SMARCA4: variants seen among roughly 807,000 people sequenced by gnomAD.
SMARCA4 encodes the protein SWI/SNF related BAF chromatin remodeling complex subunit ATPase 4, also known as SWI/SNF-related matrix-associated actin-dependent regulator of chromatin subfamily A member 4.
Under a neutral mutation model 193.9 loss-of-function variants are expected in SMARCA4, and 31 were observed. The observed-to-expected ratio is 0.16, with a 90% CI of 0.12 to 0.22. The LOEUF (loss-of-function observed/expected upper bound fraction) is 0.22, where lower values mean the gene tolerates loss of function less well. Ranked by LOEUF, SMARCA4 falls within the 10% of genes least tolerant of loss-of-function variation. The pLI is 1.00. For synonymous variants in SMARCA4, 942 were observed against 933.1 expected, an observed-to-expected ratio of 1.01 and a Z score of -0.17; for missense variants, 1,148 against 2,296.0, an observed-to-expected ratio of 0.50 and a Z score of 10.22.
intron 11 of SMARCA4, among the ~76,000 whole-genome samples, chr19:11,002,049 A>T (rs2087688949): frequency 6.6e-6 from 1 of 152,188 alleles, no homozygotes. Flanking sequence ...CCGTTAGTGT[A>T]AAAAAGAGGG....
intron 19 of SMARCA4, 99 bp downstream of exon 19, chr19:11,022,066 G>C: frequency 6.4e-7 from 1 of 1,563,864 alleles, no homozygotes; most frequent in South Asian, 1.1e-5. Flanking sequence ...CTGGGCCTGT[G>C]CTGGGTGCCT....
intron 20 of SMARCA4, 105 bp from the exon 21 acceptor site, chr19:11,024,226 C>T (rs1167817823): frequency 1.3e-5 from 10 of 787,930 alleles, no homozygotes; most frequent in Non-Finnish European, 2.3e-6. Flanking sequence ...GTGCTCTGGT[C>T]AGAGCTCATA....
At chr19:11,024,085 C>A (rs948346536) in intron 20 of SMARCA4, among the ~76,000 whole-genome samples, 12 of 152,166 alleles carry the variant, frequency 7.9e-5, no homozygotes, top group South Asian at 2.1e-4. Context: ...TGTAGAGAGG[C>A]CCCCAGAAGA....
rs2076699718 is a variant in SMARCA4 at position 11,058,920 on chromosome 19, C to T, written c.4635+31C>T. On this transcript the variant is annotated intron_variant, in intron 32 of 34. Transcript: ENST00000344626. The surrounding 1 kb of genome is among the most constrained non-coding windows in gnomAD (Gnocchi z 5.8). ...GGCACCGCTGGGGGTTGGGGATGGG[C>T]CACTCCCACAGCTGGGCTTTGACCC... 6.5e-7 allele frequency: 1 copy of T among 1,548,292 alleles called. No individual in the cohort carries two copies. Among genetic ancestry groups the T allele is most frequent in the Non-Finnish European group, 8.9e-7 (1 of 1,121,014 alleles).
chr19:11,052,266 AAAG>A (rs2076303376), intron 30 of SMARCA4, among the ~76,000 whole-genome samples: 1 of 152,252 alleles, frequency 6.6e-6, no homozygotes, highest in African/African-American at 2.4e-5. Flanking sequence ...TAGCTAGATC[AAAG>A]AATAGAAAGG....
chr19:11,010,625 T>C (rs1248449412), intron 15 of SMARCA4, 94 bp downstream of exon 15: 1 of 1,241,792 alleles, frequency 8.1e-7, no homozygotes, highest in Non-Finnish European at 1.2e-6. Flanking sequence ...CAGACCTGAG[T>C]TCACCTTTTG....
intron 34 of SMARCA4, among the ~76,000 whole-genome samples, chr19:11,061,195 A>AT (rs2076845381): frequency 1.4e-5 from 1 of 69,294 alleles, no homozygotes; most frequent in African/African-American, 6.9e-5. Context: ...CTTTAAAAAA[A>AT]AAAAAAAAAA....
intron 18 of SMARCA4, chr19:11,021,247 T>C: frequency 6.2e-6 from 2 of 323,544 alleles, no homozygotes; most frequent in South Asian, 2.6e-5. Context: ...CGCATGGCCC[T>C]GTATGTAGTG....
chr19:11,022,345 A>G (rs919562110), intron 19 of SMARCA4, among the ~76,000 whole-genome samples: 3 of 152,220 alleles, frequency 2.0e-5, no homozygotes, highest in Non-Finnish European at 4.4e-5. Context: ...CCCTCAGGGC[A>G]GTGGGAAGGA....
In SMARCA4 at chr19:10,986,180, T is replaced by C. The variant is rs1555752848; in HGVS notation, c.356-9T>C. 3 of 1,611,052 alleles carry C rather than the reference T, an allele frequency of 1.9e-6. No homozygotes were observed. The highest frequency in any genetic ancestry group is 2.5e-6 in the Non-Finnish European group (3 of 1,177,522). On this transcript the variant is annotated splice_polypyrimidine_tract_variant and intron_variant, in intron 3 of 34. Coordinates refer to ENST00000344626, the MANE Select transcript of SMARCA4 (RefSeq NM_003072.5). The surrounding 1 kb of genome is among the most constrained non-coding windows in gnomAD (Gnocchi z 6.7). The stretch of plus-strand genomic sequence containing the variant: ...GCCGAGTGACCAGTGGGCTGACCTT[T>C]CTCTGCAGGTTACCCCTCGCCCCTG...
intron 13 of SMARCA4, 68 bp downstream of exon 13, chr19:11,003,465 T>C: frequency 7.1e-7 from 1 of 1,405,916 alleles, no homozygotes; most frequent in Non-Finnish European, 1.0e-6. Context: ...CCCTGTGTGT[T>C]GTGACCGTCT....
Position 10,993,676 on chromosome 19 carries a change from C to T in SMARCA4, c.1420-1152C>T, listed in dbSNP as rs568627592. The stretch of plus-strand genomic sequence containing the variant: ...TGTTTTTTTTTTTGAGACGGAGTCT[C>T]GCTCTGTCGCCCACGCTGGAGTGCA... On this transcript the variant is annotated intron_variant, in intron 8 of 34. Coordinates refer to ENST00000344626, the MANE Select transcript of SMARCA4 (RefSeq NM_003072.5). 1.5e-4 allele frequency among the ~76,000 whole-genome samples: 23 copies of T among 152,020 alleles called. 1 individual carries two copies. In the South Asian group the frequency reaches 3.1e-3, roughly 21 times the overall value.
rs117490455 is a variant in SMARCA4, at chr19:11,060,001, A to G, written c.4769-44A>G. 0.019 allele frequency: 29,784 copies of G among 1,604,946 alleles called. 352 individuals are homozygous for G. Among genetic ancestry groups the G allele is most frequent in the Non-Finnish European group, 0.02 (24,094 of 1,176,108 alleles). ...ACGCCCCTTGCTGTGGGGGTGCTGC[A>G]TTCCCAGAGCTCAAGGCTGTCTTTC... On this transcript the variant is annotated intron_variant, in intron 33 of 34. Coordinates refer to ENST00000344626, the MANE Select transcript of SMARCA4 (RefSeq NM_003072.5).
At chr19:11,051,334 G>A (rs968616292) in intron 30 of SMARCA4, among the ~76,000 whole-genome samples, 1 of 152,168 alleles carries the variant, frequency 6.6e-6, no homozygotes, top group African/African-American at 2.4e-5. Context: ...GCAGGTGTGT[G>A]GAGTTGGCAG....
In SMARCA4 at chr19:11,019,555, C is replaced by T. The variant is rs376751767; in HGVS notation, c.2506-36C>T. 3 of 1,479,602 alleles carry T rather than the reference C, an allele frequency of 2.0e-6. No homozygotes were observed. Among genetic ancestry groups the T allele is most frequent in the African/African-American group, 1.4e-5 (1 of 72,218 alleles). 91.7% of individuals were successfully genotyped at this position (1,479,602 alleles called of 1,614,324 possible). A position where few individuals can be genotyped will look rare whatever the true frequency, so the allele number is the denominator to read the frequency against. On this transcript the variant is annotated intron_variant, in intron 17 of 34. Coordinates refer to ENST00000344626, the MANE Select transcript of SMARCA4 (RefSeq NM_003072.5). The surrounding 1 kb of genome is among the most constrained non-coding windows in gnomAD (Gnocchi z 6.1). ...CCTCTTGCCACCTGGCCACCCGGCT[C>T]CAAAAGCCGAGCTGTGCATCCTGCT...
rs572922111 is a variant in SMARCA4, at chr19:11,019,250, G to A, written c.2505+227G>A. On this transcript the variant is annotated intron_variant, in intron 17 of 34. Transcript: ENST00000344626. The surrounding 1 kb of genome is among the most constrained non-coding windows in gnomAD (Gnocchi z 6.1). ...GGAGGAGACAGGAGTGAGCATGGTG[G>A]CCAGCACTCAGAGGCCAGCTCAGGC... 6.3e-6 allele frequency: 4 copies of A among 634,026 alleles called. No homozygotes were observed. In the Admixed American group the frequency reaches 6.9e-5, roughly 11 times the overall value. The allele number at this position is 634,026 out of a possible 1,614,324, so 39.3% of individuals were successfully genotyped here.
intron 11 of SMARCA4, among the ~76,000 whole-genome samples, chr19:10,998,927 G>T (rs374700561): frequency 6.6e-6 from 1 of 151,038 alleles, no homozygotes; most frequent in African/African-American, 2.4e-5. Flanking sequence ...TCAAGACGGG[G>T]TCTCCCTGTG....
chr19:11,058,129 C>A lies in SMARCA4; in HGVS notation c.4425-126C>A. On this transcript the variant is annotated intron_variant, in intron 30 of 34. Transcript: ENST00000344626. The surrounding 1 kb of genome is among the most constrained non-coding windows in gnomAD (Gnocchi z 5.8). ...CTCAAAAAAAAAAAAAGCGCATGTG[C>A]AAGAAATAGCTCCTGAGCTGAGTTG... The A allele has an allele frequency of 1.5e-6, 1 of 665,284 alleles. No individual in the cohort carries two copies. The highest frequency in any genetic ancestry group is 1.6e-5 in the South Asian group (1 of 61,160). The allele number at this position is 665,284 out of a possible 1,614,324, so 41.2% of individuals were successfully genotyped here.
At chr19:11,038,903 G>A (rs1386144497) in intron 29 of SMARCA4, among the ~76,000 whole-genome samples, 1 of 152,156 alleles carries the variant, frequency 6.6e-6, no homozygotes, top group African/African-American at 2.4e-5. Flanking sequence ...GTTGTCAATA[G>A]CGTTATTTAA....
Sources: allele counts gnomAD v4.1 joint callset (sites outside exome capture counted in the v4.1 genomes callset), GRCh38; gene constraint gnomAD v4.1.1; non-coding constraint Gnocchi (gnomAD v3.1); transcripts MANE v1.5; gene names NCBI Gene and HGNC (gene_info 2026-07-23, HGNC 2026-07-21).